Variants in LRP1B observed in about 807,000 individuals in gnomAD.
LRP1B encodes the protein low-density lipoprotein receptor-related protein 1B.
In LRP1B, 217 loss-of-function variants were observed where a neutral mutation model predicts 556.6. The ratio of observed to expected loss-of-function variants is 0.39; its 90% CI spans 0.35 to 0.44. LRP1B has a LOEUF of 0.44. LRP1B is among the 20% of genes least tolerant of loss of function. The pLI is 1.00. For missense variants in LRP1B, 5,053 were observed against 5,620.8 expected (o/e 0.90, Z 3.23); for synonymous variants, 2,047 against 1,865.8 (o/e 1.10, Z -2.50).
chr2:141,265,725 G>A (rs921450729), intron 3 of LRP1B, among the ~76,000 whole-genome samples: 4 of 152,012 alleles, frequency 2.6e-5, no homozygotes, highest in African/African-American at 7.3e-5. Context: ...GTGTGTACTC[G>A]ATACATGTAT....
At chr2:141,801,893 A>C (rs1251844565) in intron 2 of LRP1B, among the ~76,000 whole-genome samples, 4 of 152,070 alleles carry the variant, frequency 2.6e-5, no homozygotes, top group African/African-American at 9.7e-5. Flanking sequence ...TCAACTTTTA[A>C]TAGATATATA....
At chr2:141,929,382 G>A (rs1049988714) in intron 1 of LRP1B, among the ~76,000 whole-genome samples, 5 of 151,950 alleles carry the variant, frequency 3.3e-5, no homozygotes, top group Admixed American at 2.0e-4. Context: ...ATATAGCTAC[G>A]AATCATCAAT....
At chr2:141,010,855 C>G (rs371116327) in intron 14 of LRP1B, among the ~76,000 whole-genome samples, 2 of 151,528 alleles carry the variant, frequency 1.3e-5, no homozygotes, top group East Asian at 2.0e-4. Context: ...AAGGGGAGAT[C>G]TGATTAGTTG....
At chr2:141,648,961 G>A (rs985717320) in intron 2 of LRP1B, among the ~76,000 whole-genome samples, 1 of 152,176 alleles carries the variant, frequency 6.6e-6, no homozygotes. Context: ...AATTTTAATA[G>A]TTATTTGACA....
At chr2:141,480,319 G>C (rs1411765219) in intron 3 of LRP1B, 77 bp downstream of exon 3, 2 of 1,479,424 alleles carry the variant, frequency 1.4e-6, no homozygotes, top group South Asian at 2.4e-5. Context: ...GAAAAGGCAG[G>C]TTATAGGTTT....
At chr2:140,602,496 A>G (rs1199916920) in intron 41 of LRP1B, among the ~76,000 whole-genome samples, 1 of 152,070 alleles carries the variant, frequency 6.6e-6, no homozygotes, top group East Asian at 1.9e-4. Flanking sequence ...TGTTTAATTT[A>G]ACAAAGAACG....
At chr2:141,908,099 C>T (rs545487395) in intron 1 of LRP1B, among the ~76,000 whole-genome samples, 1 of 152,028 alleles carries the variant, frequency 6.6e-6, no homozygotes, top group Non-Finnish European at 1.5e-5. Flanking sequence ...ATTATGGAAA[C>T]ACGTAAAGGG....
intron 1 of LRP1B, among the ~76,000 whole-genome samples, chr2:142,101,191 T>C (rs1253668831): frequency 6.6e-6 from 1 of 151,952 alleles, no homozygotes; most frequent in Admixed American, 6.6e-5. Context: ...ATTGCTCTGG[T>C]GATTTGGACC....
At chr2:141,382,676 G>A (rs141698510) in intron 3 of LRP1B, among the ~76,000 whole-genome samples, 95 of 152,314 alleles carry the variant, frequency 6.2e-4, no homozygotes, top group African/African-American at 2.2e-3. Context: ...TGGGAACATA[G>A]ATGCAAAAGT....
At chr2:141,406,116 G>A (rs1462808925) in intron 3 of LRP1B, among the ~76,000 whole-genome samples, 1 of 151,946 alleles carries the variant, frequency 6.6e-6, no homozygotes, top group African/African-American at 2.4e-5. Context: ...CAAACAATAA[G>A]GGAGATATTA....
At chr2:140,524,023 C>G (rs1690309846) in intron 49 of LRP1B, among the ~76,000 whole-genome samples, 1 of 151,752 alleles carries the variant, frequency 6.6e-6, no homozygotes, top group South Asian at 2.1e-4. Context: ...AAAAAACTAT[C>G]AACAGAGTAA....
intron 23 of LRP1B, among the ~76,000 whole-genome samples, chr2:140,892,689 C>CATCT (rs1408523711): frequency 2.0e-5 from 3 of 152,058 alleles, no homozygotes; most frequent in Non-Finnish European, 4.4e-5. Flanking sequence ...TTTTTATCCA[C>CATCT]ATCTATAAGA....
chr2:140,495,097 T>C (rs1688860122), intron 56 of LRP1B, among the ~76,000 whole-genome samples: 1 of 152,174 alleles, frequency 6.6e-6, no homozygotes, highest in African/African-American at 2.4e-5. Flanking sequence ...GCTGAATCAC[T>C]GGAAGAATTC....
intron 2 of LRP1B, among the ~76,000 whole-genome samples, chr2:141,493,103 T>C (rs1441471678): frequency 6.6e-6 from 1 of 152,152 alleles, no homozygotes; most frequent in African/African-American, 2.4e-5. Context: ...AGTTAGGTAT[T>C]ATAATTGCTA....
chr2:140,551,515 T>C (rs527640325), intron 43 of LRP1B, among the ~76,000 whole-genome samples: 33 of 152,302 alleles, frequency 2.2e-4, no homozygotes, highest in Middle Eastern at 3.4e-3. Context: ...AGGGCTAATA[T>C]ATAACACATT....
At chr2:141,088,087 CT>C (rs1239495676) in intron 7 of LRP1B, among the ~76,000 whole-genome samples, 2 of 151,362 alleles carry the variant, frequency 1.3e-5, no homozygotes, top group Admixed American at 6.6e-5. Context: ...AAAAGACATT[CT>C]TTTTTTTTGA....
intron 7 of LRP1B, among the ~76,000 whole-genome samples, chr2:141,138,698 A>G (rs1701551339): frequency 6.6e-6 from 1 of 151,958 alleles, no homozygotes; most frequent in African/African-American, 2.4e-5. Flanking sequence ...ACATATGGAC[A>G]TAACAACAAT....
At chr2:141,483,434 T>C (rs1200175152) in intron 2 of LRP1B, among the ~76,000 whole-genome samples, 5 of 110,892 alleles carry the variant, frequency 4.5e-5, no homozygotes, top group African/African-American at 1.6e-4. Flanking sequence ...CCTGTGCATG[T>C]GTCTTTGTAG....
At chr2:141,038,808 C>T (rs956055517) in intron 11 of LRP1B, among the ~76,000 whole-genome samples, 2 of 152,152 alleles carry the variant, frequency 1.3e-5, no homozygotes, top group East Asian at 3.9e-4. Flanking sequence ...GAAGTAGTAA[C>T]TAAGAATTCC....
Sources: allele counts gnomAD v4.1 joint callset (sites outside exome capture counted in the v4.1 genomes callset), GRCh38; gene constraint gnomAD v4.1.1; transcripts MANE v1.5; gene names NCBI Gene and HGNC (gene_info 2026-07-23, HGNC 2026-07-21).